Variants in KCNIP4 observed in about 807,000 individuals in gnomAD.
KCNIP4 encodes Kv channel-interacting protein 4.
KCNIP4 carries 12 observed loss-of-function variants against 34.0 expected under a neutral mutation model. The observed-to-expected ratio is 0.35, with a 90% CI of 0.23 to 0.57. The LOEUF (loss-of-function observed/expected upper bound fraction) is 0.57. KCNIP4 is among the 20% of genes least tolerant of loss of function. The pLI, the probability that KCNIP4 is intolerant of heterozygous loss-of-function variation, is 0.83. For synonymous variants in KCNIP4, 124 were observed against 102.2 expected, an observed-to-expected ratio of 1.21 and a Z score of -1.29; for missense variants, 238 against 311.7, an observed-to-expected ratio of 0.76 and a Z score of 1.78.
chr4:21,089,080 T>C (rs1464040129), intron 1 of KCNIP4, among the ~76,000 whole-genome samples: 1 of 152,224 alleles, frequency 6.6e-6, no homozygotes, highest in Non-Finnish European at 1.5e-5. Context: ...CCATGGCCCC[T>C]CCTAAAATTT....
chr4:21,248,060 A>ATG (rs111240655), intron 1 of KCNIP4, among the ~76,000 whole-genome samples: 80,974 of 145,088 alleles, frequency 0.56, 22,957 homozygotes, highest in Middle Eastern at 0.66. Context: ...ATATATATAT[A>ATG]TGTGTGTGTG....
chr4:20,902,041 G>C (rs1246374143), intron 1 of KCNIP4, among the ~76,000 whole-genome samples: 1 of 152,086 alleles, frequency 6.6e-6, no homozygotes, highest in Non-Finnish European at 1.5e-5. Flanking sequence ...AGCTTCCAGT[G>C]AATTATCCCA....
At chr4:21,300,039 C>T (rs191926076) in intron 1 of KCNIP4, among the ~76,000 whole-genome samples, 167 of 152,118 alleles carry the variant, frequency 1.1e-3, no homozygotes, top group Middle Eastern at 3.4e-3. Context: ...ATAACAGTGA[C>T]TTTTTTCAAG....
intron 1 of KCNIP4, among the ~76,000 whole-genome samples, chr4:20,927,494 T>C (rs1730019430): frequency 6.6e-6 from 1 of 152,238 alleles, no homozygotes; most frequent in Non-Finnish European, 1.5e-5. Flanking sequence ...TATTTATCTC[T>C]ACCTTAAAAT....
intron 1 of KCNIP4, among the ~76,000 whole-genome samples, chr4:21,219,092 A>C (rs1380665420): frequency 6.6e-6 from 1 of 152,202 alleles, no homozygotes; most frequent in Non-Finnish European, 1.5e-5. Flanking sequence ...CCACAAAAGC[A>C]ACAAAGGTTG....
intron 1 of KCNIP4, among the ~76,000 whole-genome samples, chr4:21,475,393 T>C (rs1278105450): frequency 1.3e-5 from 2 of 152,114 alleles, no homozygotes; most frequent in African/African-American, 2.4e-5. Flanking sequence ...GTACCACAGC[T>C]CATTCCACAT....
chr4:21,599,524 A>G (rs1439082886), intron 1 of KCNIP4, among the ~76,000 whole-genome samples: 5 of 152,140 alleles, frequency 3.3e-5, no homozygotes, highest in African/African-American at 1.2e-4. Context: ...GTTAAGTACC[A>G]TAAATGGATT....
At chr4:21,305,346 G>A (rs28631135) in intron 1 of KCNIP4, among the ~76,000 whole-genome samples, 2 of 152,168 alleles carry the variant, frequency 1.3e-5, no homozygotes, top group African/African-American at 2.4e-5. Flanking sequence ...TAACATCTCA[G>A]TGTCTTAATG....
intron 1 of KCNIP4, among the ~76,000 whole-genome samples, chr4:20,943,113 G>A (rs191976908): frequency 1.3e-5 from 1 of 79,642 alleles, no homozygotes; most frequent in Non-Finnish European, 2.6e-5. Flanking sequence ...ATGTATAAAT[G>A]CAGGCATTGC....
At chr4:21,119,967 G>A (rs1485252868) in intron 1 of KCNIP4, among the ~76,000 whole-genome samples, 2 of 152,158 alleles carry the variant, frequency 1.3e-5, no homozygotes, top group African/African-American at 2.4e-5. Flanking sequence ...GAGCCAGAAC[G>A]GGAAGGTGTT....
chr4:21,417,778 T>C (rs947635664), intron 1 of KCNIP4, among the ~76,000 whole-genome samples: 2 of 152,104 alleles, frequency 1.3e-5, no homozygotes, highest in Admixed American at 1.3e-4. Flanking sequence ...AAGGGACATA[T>C]AGAACAATAA....
At chr4:20,870,842 A>G (rs749631844) in intron 2 of KCNIP4, among the ~76,000 whole-genome samples, 1 of 151,976 alleles carries the variant, frequency 6.6e-6, no homozygotes, top group Non-Finnish European at 1.5e-5. Flanking sequence ...TGCTTATCCT[A>G]TCCCCACTAA....
chr4:20,833,012 G>A (rs1303102766), intron 3 of KCNIP4, among the ~76,000 whole-genome samples: 1 of 152,174 alleles, frequency 6.6e-6, no homozygotes, highest in East Asian at 1.9e-4. Flanking sequence ...TCTACACAGA[G>A]ACAGAACTAT....
At chr4:21,124,404 T>C (rs1468185454) in intron 1 of KCNIP4, among the ~76,000 whole-genome samples, 1 of 152,206 alleles carries the variant, frequency 6.6e-6, no homozygotes, top group Non-Finnish European at 1.5e-5. Flanking sequence ...TGAGTTTTGA[T>C]CTGTGATCTT....
chr4:21,370,850 T>TATATACAC (rs1465544179), intron 1 of KCNIP4, among the ~76,000 whole-genome samples: 2 of 14,852 alleles, frequency 1.3e-4, no homozygotes, highest in Non-Finnish European at 2.2e-4. Context: ...TATATATATA[T>TATATACAC]ACACACACAC....
intron 1 of KCNIP4, among the ~76,000 whole-genome samples, chr4:21,228,468 A>G (rs1394764525): frequency 6.6e-6 from 1 of 152,130 alleles, no homozygotes; most frequent in African/African-American, 2.4e-5. Flanking sequence ...GTAGTTCTTT[A>G]TAGCAGTGTG....
chr4:21,622,699 T>A (rs1297712211), intron 1 of KCNIP4, among the ~76,000 whole-genome samples: 1 of 152,144 alleles, frequency 6.6e-6, no homozygotes, highest in Non-Finnish European at 1.5e-5. Flanking sequence ...TTATAATTTT[T>A]AAATAATCAG....
chr4:21,567,614 T>C (rs1740013504), intron 1 of KCNIP4, among the ~76,000 whole-genome samples: 1 of 152,224 alleles, frequency 6.6e-6, no homozygotes, highest in African/African-American at 2.4e-5. Flanking sequence ...ACATGTCATA[T>C]AGCCAGCATC....
intron 1 of KCNIP4, among the ~76,000 whole-genome samples, chr4:21,014,565 G>A (rs897270983): frequency 2.6e-5 from 4 of 152,280 alleles, no homozygotes; most frequent in African/African-American, 9.6e-5. Context: ...ATCACATTGA[G>A]ATATTATGCA....
Sources: allele counts gnomAD v4.1 joint callset (sites outside exome capture counted in the v4.1 genomes callset), GRCh38; gene constraint gnomAD v4.1.1; transcripts MANE v1.5; gene names NCBI Gene and HGNC (gene_info 2026-07-23, HGNC 2026-07-21).